The following THOC2 variants were observed in gnomAD, a reference collection of about 807,000 sequenced individuals.
The protein encoded by THOC2 is THO complex 2.
In THOC2, 10 loss-of-function variants were observed where a neutral mutation model predicts 128.4. The observed-to-expected ratio is 0.08, with a 90% CI of 0.05 to 0.13. The LOEUF is 0.13. Among genes scored for constraint, THOC2 ranks in the 10% least tolerant of loss-of-function variants. The pLI is 1.00. For missense variants in THOC2, 535 were observed against 1,155.7 expected, an observed-to-expected ratio of 0.46 and a Z score of 7.79; for synonymous variants, 393 against 396.9, an observed-to-expected ratio of 0.99 and a Z score of 0.12.
chrX:123,693,504 G>A (rs1044084074), intron 7 of THOC2, among the ~76,000 whole-genome samples: 4 of 111,786 alleles, frequency 3.6e-5, no homozygotes, highest in African/African-American at 1.3e-4. Flanking sequence ...ATTGGGGGAG[G>A]AGGAAATCAC....
intron 15 of THOC2, among the ~76,000 whole-genome samples, chrX:123,642,286 T>G (rs113958555): frequency 0.032 from 3,453 of 109,580 alleles, 87 homozygotes; most frequent in African/African-American, 0.089. Flanking sequence ...TTAGCTGGAC[T>G]TGGTGGCAGG....
chrX:123,656,123 G>A (rs2048562866), intron 12 of THOC2, among the ~76,000 whole-genome samples: 1 of 108,339 alleles, frequency 9.2e-6, no homozygotes, highest in South Asian at 4.0e-4. Context: ...AGGAGTTCCA[G>A]ACCAGCCTGG....
intron 8 of THOC2, among the ~76,000 whole-genome samples, chrX:123,672,850 T>C (rs766167374): frequency 7.1e-5 from 8 of 112,506 alleles, no homozygotes; most frequent in Non-Finnish European, 1.1e-4. Context: ...ACAGTAACAA[T>C]ACACTATGTT....
chrX:123,646,090 A>T (rs1191780918), intron 12 of THOC2, among the ~76,000 whole-genome samples: 1 of 112,441 alleles, frequency 8.9e-6, no homozygotes, highest in Non-Finnish European at 1.9e-5. Context: ...ACAAAGCCAA[A>T]ATTAAACGCA....
intron 22 of THOC2, among the ~76,000 whole-genome samples, chrX:123,630,340 C>T (rs1270604421): frequency 9.0e-6 from 1 of 111,558 alleles, no homozygotes. Flanking sequence ...AGGCCAGGCA[C>T]AGTGGCTCAT....
chrX:123,732,461 G>C (rs978817239), intron 1 of THOC2, among the ~76,000 whole-genome samples: 12 of 112,277 alleles, frequency 1.1e-4, no homozygotes, highest in African/African-American at 2.9e-4. Context: ...CGAAGAGGAG[G>C]GGAGGGGAAT....
chrX:123,711,311 C>T (rs1374063369), intron 2 of THOC2, among the ~76,000 whole-genome samples: 1 of 106,599 alleles, frequency 9.4e-6, no homozygotes, highest in African/African-American at 3.4e-5. Flanking sequence ...GGATTACAGG[C>T]GTGAGCCACC....
intron 36 of THOC2, among the ~76,000 whole-genome samples, chrX:123,611,778 A>G (rs1171013376): frequency 9.3e-6 from 1 of 107,162 alleles, no homozygotes; most frequent in East Asian, 2.9e-4. Context: ...CACCTATCTC[A>G]TAAGGATCTA....
intron 1 of THOC2, among the ~76,000 whole-genome samples, chrX:123,715,936 A>T (rs1029441160): frequency 9.0e-6 from 1 of 111,712 alleles, no homozygotes; most frequent in African/African-American, 3.3e-5. Flanking sequence ...AAGAGAAAAC[A>T]TTACAACCAA....
intron 12 of THOC2, among the ~76,000 whole-genome samples, chrX:123,664,410 G>C (rs1380962108): frequency 8.9e-6 from 1 of 112,328 alleles, no homozygotes; most frequent in Non-Finnish European, 1.9e-5. Context: ...CCATCAGAGT[G>C]AACTGGCAAC....
In THOC2 at chrX:123,697,695, C is replaced by T. The variant is rs764037034; in HGVS notation, c.331G>A (p.Val111Ile). The change falls in exon 5 of 39, where the codon GTA becomes ATA. Residue 111 changes from valine (V) to isoleucine (I), a missense_variant. Val to Ile is a conservative substitution (Grantham distance 29, BLOSUM62 3). Coordinates refer to ENST00000245838, the MANE Select transcript of THOC2 (RefSeq NM_001081550.2). ...TAAAAACTTACCAAACATGCTAATACCAACTGTGTAAAATAGTCTCTCTTG... is the reference window on the plus strand; with the variant it reads ...TAAAAACTTACCAAACATGCTAATATCAACTGTGTAAAATAGTCTCTCTTG... ...KSKRDYFTQLVLACLYLVSDT... is the reference protein window; with the variant it reads ...KSKRDYFTQLILACLYLVSDT... 1.6e-5 allele frequency: 17 copies of T among 1,091,243 alleles called. No individual in the cohort carries two copies. Among genetic ancestry groups the T allele is most frequent in the Admixed American group, 9.8e-5 (4 of 40,848 alleles). 89.9% of individuals were successfully genotyped at this position (1,091,243 alleles called of 1,213,427 possible).
intron 33 of THOC2, among the ~76,000 whole-genome samples, chrX:123,616,991 T>C (rs1364520523): frequency 4.5e-5 from 5 of 110,813 alleles, no homozygotes; most frequent in Admixed American, 9.6e-5. Flanking sequence ...AGTGACAAGA[T>C]AATATGAAAA....
At chrX:123,693,984 C>T (rs573320639) in intron 7 of THOC2, among the ~76,000 whole-genome samples, 1 of 110,893 alleles carries the variant, frequency 9.0e-6, no homozygotes, top group South Asian at 3.9e-4. Flanking sequence ...AGGATCATAG[C>T]CTGTTCTCCC....
intron 36 of THOC2, 71 bp from the exon 37 acceptor site, chrX:123,611,587 ATCACCCGCGAGC>A (rs2046700279): frequency 1.5e-6 from 1 of 663,534 alleles, no homozygotes; most frequent in East Asian, 3.3e-5. Flanking sequence ...ACCCCTTTTC[ATCACCCGCGAGC>A]TATATTTGTC....
intron 38 of THOC2, among the ~76,000 whole-genome samples, chrX:123,605,496 C>G (rs1321109804): frequency 1.8e-5 from 2 of 111,453 alleles, no homozygotes; most frequent in Non-Finnish European, 3.8e-5. Flanking sequence ...ATGGTTACTA[C>G]ATACAGACCA....
chrX:123,719,348 C>T (rs2051583755), intron 1 of THOC2, among the ~76,000 whole-genome samples: 1 of 110,963 alleles, frequency 9.0e-6, no homozygotes, highest in South Asian at 3.8e-4. Flanking sequence ...CACCTCACAC[C>T]TGTCAGAATG....
At chrX:123,691,105 G>C (rs991463449) in intron 7 of THOC2, among the ~76,000 whole-genome samples, 1 of 111,506 alleles carries the variant, frequency 9.0e-6, no homozygotes, top group African/African-American at 3.3e-5. Context: ...CCAGCTATTT[G>C]GGAGGCTGAG....
intron 31 of THOC2, 58 bp downstream of exon 31, chrX:123,621,099 A>G (rs539998614): frequency 8.5e-7 from 1 of 1,176,921 alleles, no homozygotes; most frequent in African/African-American, 1.8e-5. Flanking sequence ...AGGAGACAAT[A>G]ACCAACTATA....
At chrX:123,674,979 G>A (rs1385316332) in intron 8 of THOC2, among the ~76,000 whole-genome samples, 2 of 111,375 alleles carry the variant, frequency 1.8e-5, no homozygotes, top group African/African-American at 6.5e-5. Flanking sequence ...CATGTACCCC[G>A]AGTCTAAAAT....
Sources: gnomAD v4.1 joint callset for allele counts (sites outside exome capture counted in the v4.1 genomes callset) on GRCh38, gnomAD v4.1.1 for gene constraint, MANE v1.5 for transcripts, NCBI Gene and HGNC (gene_info 2026-07-23, HGNC 2026-07-21) for gene names.